The following WDR41 variants were observed in gnomAD, a reference collection of about 807,000 sequenced individuals.
The protein encoded by WDR41 is WD repeat domain 41.
WDR41 carries 63 observed loss-of-function variants against 69.3 expected under a neutral mutation model. The ratio of observed to expected loss-of-function variants is 0.91; its 90% confidence interval spans 0.74 to 1.12. The LOEUF is 1.12. Among genes scored for constraint, WDR41 ranks in the 50% most tolerant of loss-of-function variants. The pLI, the probability that WDR41 is intolerant of heterozygous loss-of-function variation, is 0.00. For synonymous variants in WDR41, 185 were observed against 192.1 expected (o/e 0.96, Z 0.31); for missense variants, 543 against 534.5 (o/e 1.02, Z -0.16).
chr5:77,495,087 G>C (rs1801917218), upstream of WDR41, among the ~76,000 whole-genome samples: 1 of 151,990 alleles, frequency 6.6e-6, no homozygotes, highest in Non-Finnish European at 1.5e-5. Flanking sequence ...AAAATACCTA[G>C]AGACAAAAAC....
At chr5:77,495,283 C>T (rs186221931), upstream of WDR41, among the ~76,000 whole-genome samples, 37 of 151,274 alleles carry the variant, frequency 2.4e-4, no homozygotes, top group Non-Finnish European at 2.1e-4. Flanking sequence ...AGAATTAGAG[C>T]AGAGATAAAC....
At chr5:77,474,282 T>C (rs1800778381) in intron 2 of WDR41, among the ~76,000 whole-genome samples, 1 of 151,450 alleles carries the variant, frequency 6.6e-6, no homozygotes, top group Admixed American at 6.6e-5. Flanking sequence ...CCAGGGCCTG[T>C]TGTGGGGTGG....
At chr5:77,450,585 A>C (rs1799587657) in intron 7 of WDR41, among the ~76,000 whole-genome samples, 1 of 152,056 alleles carries the variant, frequency 6.6e-6, no homozygotes, top group Non-Finnish European at 1.5e-5. Flanking sequence ...TGTTCCAGGA[A>C]CTCTACGTAC....
chr5:77,550,593 C>A (rs1743278227), intron 1 of WDR41, among the ~76,000 whole-genome samples: 1 of 152,158 alleles, frequency 6.6e-6, no homozygotes, highest in South Asian at 2.1e-4. Context: ...CAGATGCTGG[C>A]AAGCCTGTGG....
At chr5:77,561,858 C>T (rs1743533037) in intron 1 of WDR41, among the ~76,000 whole-genome samples, 1 of 152,054 alleles carries the variant, frequency 6.6e-6, no homozygotes, top group East Asian at 1.9e-4. Context: ...CATCAAAATC[C>T]TGATTGCAGT....
intron 1 of WDR41, among the ~76,000 whole-genome samples, chr5:77,497,928 T>G (rs1319979771): frequency 1.3e-5 from 2 of 152,230 alleles, no homozygotes; most frequent in Non-Finnish European, 2.9e-5. Context: ...GAATTAATTT[T>G]TAAATATATT....
intron 1 of WDR41, among the ~76,000 whole-genome samples, chr5:77,515,554 A>G (rs1003253680): frequency 3.9e-5 from 6 of 152,184 alleles, no homozygotes; most frequent in Non-Finnish European, 8.8e-5. Flanking sequence ...AAATGCATAA[A>G]GCAGTAACAT....
intron 1 of WDR41, among the ~76,000 whole-genome samples, chr5:77,611,120 C>T (rs4704435): frequency 0.9 from 136,877 of 151,916 alleles, 61,799 homozygotes; most frequent in East Asian, 0.96. Context: ...CGTAAATATA[C>T]ATGCACCCAA....
intron 1 of WDR41, among the ~76,000 whole-genome samples, chr5:77,505,001 C>A (rs1169885768): frequency 6.6e-6 from 1 of 152,136 alleles, no homozygotes; most frequent in Non-Finnish European, 1.5e-5. Flanking sequence ...TCCTATTCAA[C>A]ATAGTGTTGG....
At chr5:77,480,825 T>TAA (rs10559151) in intron 2 of WDR41, among the ~76,000 whole-genome samples, 3 of 145,378 alleles carry the variant, frequency 2.1e-5, no homozygotes, top group Non-Finnish European at 4.6e-5. Context: ...AAAGTATAAT[T>TAA]AAAAAAAAAA....
intron 8 of WDR41, among the ~76,000 whole-genome samples, chr5:77,448,396 A>G (rs1799471032): frequency 1.3e-5 from 2 of 152,202 alleles, no homozygotes; most frequent in South Asian, 4.1e-4. Flanking sequence ...AGTCCTTAGA[A>G]AGACCTGCAG....
intron 2 of WDR41, among the ~76,000 whole-genome samples, chr5:77,471,888 A>G (rs1477762142): frequency 6.6e-6 from 1 of 152,232 alleles, no homozygotes. Flanking sequence ...AAACTACTCC[A>G]ATCAACAGAA....
At chr5:77,571,139 C>A (rs1467832870) in intron 1 of WDR41, among the ~76,000 whole-genome samples, 1 of 152,048 alleles carries the variant, frequency 6.6e-6, no homozygotes, top group East Asian at 1.9e-4. Flanking sequence ...TCCCACTTTA[C>A]ATAAAATTAA....
chr5:77,437,922 G>C (rs1318474318), intron 10 of WDR41, among the ~76,000 whole-genome samples: 1 of 152,126 alleles, frequency 6.6e-6, no homozygotes, highest in Non-Finnish European at 1.5e-5. Flanking sequence ...AAAGAAGGTA[G>C]GTTTATGAGA....
chr5:77,491,213 G>T, intron 1 of WDR41: 1 of 391,008 alleles, frequency 2.6e-6, no homozygotes, highest in Non-Finnish European at 5.2e-6. Context: ...TCCTTTTCCT[G>T]GCTCATCCTG....
chr5:77,613,211 C>G (rs1048171560), intron 1 of WDR41, among the ~76,000 whole-genome samples: 22 of 152,124 alleles, frequency 1.4e-4, no homozygotes, highest in Non-Finnish European at 2.6e-4. Context: ...TGAAAATGGC[C>G]ATACTGCCCA....
intron 1 of WDR41, among the ~76,000 whole-genome samples, chr5:77,608,505 T>TA (rs1275382598): frequency 4.6e-5 from 7 of 151,940 alleles, no homozygotes; most frequent in African/African-American, 1.7e-4. Flanking sequence ...AAAAGTAAAA[T>TA]AAAAAAACCA....
intron 1 of WDR41, among the ~76,000 whole-genome samples, chr5:77,504,167 T>C (rs1802068682): frequency 6.6e-6 from 1 of 150,872 alleles, no homozygotes; most frequent in Admixed American, 6.6e-5. Flanking sequence ...AAGAATCAAA[T>C]AGATGCAATA....
intron 6 of WDR41, 132 bp from the exon 7 acceptor site, chr5:77,451,485 C>A: frequency 1.4e-6 from 1 of 702,570 alleles, no homozygotes; most frequent in Non-Finnish European, 2.4e-6. Flanking sequence ...TCCACACACA[C>A]TTCCTTGCTT....
Sources: gnomAD v4.1 joint callset for allele counts (sites outside exome capture counted in the v4.1 genomes callset) on GRCh38, gnomAD v4.1.1 for gene constraint, MANE v1.5 for transcripts, NCBI Gene and HGNC (gene_info 2026-07-23, HGNC 2026-07-21) for gene names.